Variants in PCDH19 observed in about 807,000 individuals in gnomAD.
The protein encoded by PCDH19 is protocadherin 19, also known as protocadherin-19.
A neutral mutation model predicts 46.2 loss-of-function variants in PCDH19; 6 were observed. The observed-to-expected ratio is 0.13, with a 90% CI of 0.07 to 0.26. PCDH19 has a LOEUF of 0.26. PCDH19 is among the 10% of genes least tolerant of loss of function. The probability of loss-of-function intolerance (pLI) is 1.00; values close to 1 mark genes in which losing one functional copy is unlikely to be tolerated. For synonymous variants in PCDH19, 481 were observed against 415.7 expected, an observed-to-expected ratio of 1.16 and a Z score of -1.91; for missense variants, 740 against 972.3, an observed-to-expected ratio of 0.76 and a Z score of 3.18.
intron 5 of PCDH19, among the ~76,000 whole-genome samples, chrX:100,333,174 G>GAAGGAAGGAAGGAAGAGA (rs1167397761): frequency 3.5e-5 from 1 of 28,956 alleles, no homozygotes; most frequent in African/African-American, 1.3e-4. Context: ...AGGAAGGAAG[G>GAAGGAAGGAAGGAAGAGA]GAGAGAGAGA....
At chrX:100,359,725 T>C (rs1926822409) in intron 3 of PCDH19, among the ~76,000 whole-genome samples, 1 of 110,657 alleles carries the variant, frequency 9.0e-6, no homozygotes, top group African/African-American at 3.3e-5. Context: ...CCATCTCTAA[T>C]AAAGAAATAA....
chrX:100,351,901 C>T (rs1005678854), intron 3 of PCDH19, among the ~76,000 whole-genome samples: 1 of 112,084 alleles, frequency 8.9e-6, no homozygotes, highest in African/African-American at 3.2e-5. Context: ...ACATGGGCAC[C>T]AAACAGCCAG....
At chrX:100,359,733 T>C (rs186568813) in intron 3 of PCDH19, among the ~76,000 whole-genome samples, 317 of 110,200 alleles carry the variant, frequency 2.9e-3, no homozygotes, top group African/African-American at 1.0e-2. Flanking sequence ...AATAAAGAAA[T>C]AAATATACAC....
At chrX:100,328,857 TTG>T (rs1925783634) in intron 5 of PCDH19, among the ~76,000 whole-genome samples, 1 of 112,472 alleles carries the variant, frequency 8.9e-6, no homozygotes, top group Non-Finnish European at 1.9e-5. Context: ...TTAAAGTGAA[TTG>T]TGTTTCTTTG....
At chrX:100,355,425 A>G (rs1174353866) in intron 3 of PCDH19, among the ~76,000 whole-genome samples, 1 of 111,741 alleles carries the variant, frequency 8.9e-6, no homozygotes, top group East Asian at 2.8e-4. Context: ...TAGGATCGTC[A>G]CCAACCTTCT....
intron 4 of PCDH19, among the ~76,000 whole-genome samples, chrX:100,345,811 A>G (rs1442290312): frequency 2.7e-5 from 3 of 111,795 alleles, no homozygotes; most frequent in African/African-American, 9.7e-5. Flanking sequence ...TGCCCATCTG[A>G]CAAACTAAGC....
intron 3 of PCDH19, among the ~76,000 whole-genome samples, chrX:100,382,823 C>T (rs763448780): frequency 1.2e-4 from 13 of 112,033 alleles, no homozygotes; most frequent in Non-Finnish European, 2.3e-4. Flanking sequence ...CTCTGATTCA[C>T]GTAGGACCTC....
intron 4 of PCDH19, among the ~76,000 whole-genome samples, chrX:100,346,853 G>A (rs1378643126): frequency 9.3e-6 from 1 of 107,365 alleles, no homozygotes; most frequent in East Asian, 2.8e-4. Context: ...TGTAGGAGTG[G>A]ATATCAGACA....
chrX:100,379,124 C>T (rs1927467576), intron 3 of PCDH19, among the ~76,000 whole-genome samples: 1 of 110,925 alleles, frequency 9.0e-6, no homozygotes. Context: ...GATGAATCTC[C>T]CCCTGGCCAC....
intron 3 of PCDH19, among the ~76,000 whole-genome samples, chrX:100,397,284 C>G (rs1408617860): frequency 9.0e-6 from 1 of 111,728 alleles, no homozygotes; most frequent in African/African-American, 3.3e-5. Flanking sequence ...TGCATTCAGA[C>G]TTTTTGTAGG....
chrX:100,361,547 A>G (rs775023104), intron 3 of PCDH19, among the ~76,000 whole-genome samples: 3 of 112,310 alleles, frequency 2.7e-5, no homozygotes, highest in Non-Finnish European at 5.6e-5. Flanking sequence ...CTTCCTGTTA[A>G]TAAGAATTAG....
intron 5 of PCDH19, among the ~76,000 whole-genome samples, chrX:100,333,118 G>A (rs1204656063): frequency 6.2e-5 from 1 of 16,139 alleles, no homozygotes; most frequent in Non-Finnish European, 1.3e-4. Context: ...GGGAGGGAAG[G>A]AAGGAAGGAA....
chrX:100,367,876 T>G (rs148151222), intron 3 of PCDH19, among the ~76,000 whole-genome samples: 195 of 111,344 alleles, frequency 1.8e-3, no homozygotes, highest in African/African-American at 6.1e-3. Context: ...GCCCTCAGAC[T>G]ATATGATCTA....
At chrX:100,403,742 T>C (rs1221572479) in intron 1 of PCDH19, 78 bp from the exon 2 acceptor site, 1 of 935,363 alleles carries the variant, frequency 1.1e-6, no homozygotes, top group African/African-American at 2.0e-5. Flanking sequence ...GTGCTGCAAC[T>C]GGAACATAAA....
At position 100,386,048 on chromosome X, in the gene PCDH19, T is replaced by C. The variant is rs1333664884; in HGVS notation, c.2616+16476A>G. 2.0e-4 allele frequency among the ~76,000 whole-genome samples: 22 copies of C among 112,260 alleles called. No homozygotes were observed. The Admixed American group carries it at 2.1e-3, about 11-fold the overall frequency. ...CATTTATTTAGTCATGACATTAATA[T>C]ATGTGTTTTCAAAAATACCAACTCA... is the stretch of plus-strand genomic sequence containing the variant. On this transcript the variant is annotated intron_variant, in intron 3 of 5. Transcript: ENST00000373034.
intron 4 of PCDH19, among the ~76,000 whole-genome samples, chrX:100,347,125 A>T (rs760715381): frequency 9.1e-6 from 1 of 110,403 alleles, no homozygotes; most frequent in Non-Finnish European, 1.9e-5. Context: ...GCATAAAATT[A>T]TGGGGAGCCT....
intron 3 of PCDH19, among the ~76,000 whole-genome samples, chrX:100,384,395 A>G (rs1927649435): frequency 9.0e-6 from 1 of 110,955 alleles, no homozygotes; most frequent in South Asian, 3.8e-4. Context: ...TATGAAACTA[A>G]TAATTCTCCT....
intron 3 of PCDH19, among the ~76,000 whole-genome samples, chrX:100,392,059 C>G (rs1356625209): frequency 1.8e-5 from 2 of 111,906 alleles, no homozygotes; most frequent in Non-Finnish European, 3.8e-5. Flanking sequence ...TCTCCACCTT[C>G]CATGATCTCC....
At chrX:100,306,204 T>C (rs1213689017) in intron 5 of PCDH19, among the ~76,000 whole-genome samples, 1 of 111,678 alleles carries the variant, frequency 9.0e-6, no homozygotes, top group Non-Finnish European at 1.9e-5. Context: ...AAAATCGAAA[T>C]GATATCAAGT....
Sources: gnomAD v4.1 joint callset for allele counts (sites outside exome capture counted in the v4.1 genomes callset) on GRCh38, gnomAD v4.1.1 for gene constraint, MANE v1.5 for transcripts, NCBI Gene and HGNC (gene_info 2026-07-23, HGNC 2026-07-21) for gene names.